The following CADM2 variants were observed in gnomAD, a reference collection of about 807,000 sequenced individuals.
CADM2 encodes immunoglobulin superfamily member 4D.
A neutral mutation model predicts 49.8 loss-of-function variants in CADM2; 12 were observed. The observed-to-expected ratio is 0.24, with a 90% CI of 0.15 to 0.39. CADM2 has a LOEUF of 0.39. CADM2 is among the 10% of genes least tolerant of loss of function. The pLI is 1.00. For synonymous variants in CADM2, 214 were observed against 175.4 expected, an observed-to-expected ratio of 1.22 and a Z score of -1.74; for missense variants, 378 against 492.3, an observed-to-expected ratio of 0.77 and a Z score of 2.20.
At chr3:85,572,682 T>C (rs1024013273) in intron 1 of CADM2, among the ~76,000 whole-genome samples, 5 of 152,204 alleles carry the variant, frequency 3.3e-5, no homozygotes, top group African/African-American at 1.2e-4. Flanking sequence ...GTGTCACTAG[T>C]CTTTAAGTCC....
chr3:85,254,499 C>T (rs146926874), intron 1 of CADM2, among the ~76,000 whole-genome samples: 118 of 152,142 alleles, frequency 7.8e-4, no homozygotes, highest in African/African-American at 2.8e-3. Context: ...TGGTCATTCC[C>T]GTGACCTGCT....
intron 2 of CADM2, among the ~76,000 whole-genome samples, chr3:85,783,462 G>T (rs548713942): frequency 6.6e-6 from 1 of 152,238 alleles, no homozygotes; most frequent in East Asian, 1.9e-4. Context: ...GGTCCATAAG[G>T]TTCCCATTGG....
chr3:85,449,082 A>AATAATAATAATAATTAT (rs1553724946), intron 1 of CADM2, among the ~76,000 whole-genome samples: 1 of 112,930 alleles, frequency 8.9e-6, no homozygotes, highest in South Asian at 2.7e-4. Context: ...ATAATGATAA[A>AATAATAATAATAATTAT]AATTATATAA....
intron 1 of CADM2, among the ~76,000 whole-genome samples, chr3:85,251,451 C>G (rs905098337): frequency 1.3e-5 from 2 of 151,778 alleles, no homozygotes; most frequent in African/African-American, 4.8e-5. Flanking sequence ...AAAGAGATTT[C>G]AATTAATTAT....
chr3:85,342,539 C>T (rs1348010499), intron 1 of CADM2, among the ~76,000 whole-genome samples: 1 of 151,890 alleles, frequency 6.6e-6, no homozygotes, highest in Non-Finnish European at 1.5e-5. Flanking sequence ...GGCTGACAAA[C>T]AAAACGCATG....
At chr3:85,669,510 T>C (rs1250868666) in intron 1 of CADM2, among the ~76,000 whole-genome samples, 1 of 152,142 alleles carries the variant, frequency 6.6e-6, no homozygotes, top group Non-Finnish European at 1.5e-5. Context: ...AGAGCAATGG[T>C]CAGTCAAGTA....
intron 3 of CADM2, among the ~76,000 whole-genome samples, chr3:85,825,014 G>A (rs7640855): frequency 0.14 from 21,917 of 151,906 alleles, 2,006 homozygotes; most frequent in Non-Finnish European, 0.2. Flanking sequence ...ATAAATGTGA[G>A]GAGAAGGGTT....
intron 1 of CADM2, among the ~76,000 whole-genome samples, chr3:85,087,643 TG>T (rs1388137493): frequency 6.6e-6 from 1 of 152,190 alleles, no homozygotes; most frequent in Non-Finnish European, 1.5e-5. Context: ...CTAATTAATT[TG>T]TAATATATTT....
intron 1 of CADM2, among the ~76,000 whole-genome samples, chr3:85,453,495 T>C (rs887563680): frequency 2.6e-5 from 4 of 152,146 alleles, no homozygotes; most frequent in Non-Finnish European, 4.4e-5. Flanking sequence ...ATAGTACATA[T>C]TAGCATTTTA....
intron 1 of CADM2, among the ~76,000 whole-genome samples, chr3:85,575,275 G>T (rs1416751421): frequency 1.3e-5 from 2 of 152,180 alleles, no homozygotes; most frequent in Non-Finnish European, 2.9e-5. Flanking sequence ...GATTGGGCTG[G>T]GCGCAGTGGC....
intron 7 of CADM2, among the ~76,000 whole-genome samples, chr3:85,943,128 G>A (rs1490661284): frequency 1.3e-5 from 2 of 151,460 alleles, no homozygotes; most frequent in South Asian, 2.1e-4. Context: ...CTGCATAAAT[G>A]TCTTCTTTTG....
At chr3:85,668,412 G>A (rs2065639756) in intron 1 of CADM2, among the ~76,000 whole-genome samples, 1 of 151,810 alleles carries the variant, frequency 6.6e-6, no homozygotes, top group Non-Finnish European at 1.5e-5. Flanking sequence ...CAATGAACAA[G>A]GTGGTTTATG....
chr3:86,058,064 T>C (rs1300625085), intron 8 of CADM2, among the ~76,000 whole-genome samples: 1 of 152,184 alleles, frequency 6.6e-6, no homozygotes, highest in Non-Finnish European at 1.5e-5. Flanking sequence ...TGCAATATAT[T>C]ACATAGAGCC....
At chr3:85,871,412 A>T (rs2075922468) in intron 3 of CADM2, among the ~76,000 whole-genome samples, 1 of 152,140 alleles carries the variant, frequency 6.6e-6, no homozygotes, top group South Asian at 2.1e-4. Context: ...GAATATGAGG[A>T]TTAGTAATTA....
intron 1 of CADM2, among the ~76,000 whole-genome samples, chr3:85,137,171 G>C (rs973321902): frequency 4.0e-5 from 6 of 151,742 alleles, no homozygotes; most frequent in African/African-American, 1.2e-4. Context: ...CAATGAAGTG[G>C]ATTTCATTTC....
At chr3:85,010,119 T>G (rs2107249269) in intron 1 of CADM2, among the ~76,000 whole-genome samples, 1 of 152,114 alleles carries the variant, frequency 6.6e-6, no homozygotes, top group South Asian at 2.1e-4. Context: ...ATTGAAAGCC[T>G]TTTTCAAAAT....
chr3:85,283,259 C>A (rs2043549235), intron 1 of CADM2, among the ~76,000 whole-genome samples: 2 of 151,644 alleles, frequency 1.3e-5, no homozygotes, highest in South Asian at 4.2e-4. Context: ...TAACTTTTAT[C>A]TTATTTTTTG....
intron 1 of CADM2, among the ~76,000 whole-genome samples, chr3:85,090,403 G>A (rs1188065767): frequency 1.3e-5 from 2 of 152,078 alleles, no homozygotes; most frequent in African/African-American, 4.8e-5. Flanking sequence ...AGAAAAACAC[G>A]TTTTTGTGTC....
At chr3:85,924,229 C>G (rs2108510489) in intron 6 of CADM2, among the ~76,000 whole-genome samples, 1 of 151,954 alleles carries the variant, frequency 6.6e-6, no homozygotes, top group African/African-American at 2.4e-5. Context: ...TATGAAATAT[C>G]ATTACTTAAA....
Sources: allele counts gnomAD v4.1 joint callset (sites outside exome capture counted in the v4.1 genomes callset), GRCh38; gene constraint gnomAD v4.1.1; transcripts MANE v1.5; gene names NCBI Gene and HGNC (gene_info 2026-07-23, HGNC 2026-07-21).